ZNF679: variants seen among roughly 807,000 people sequenced by gnomAD.
ZNF679 encodes the protein hypothetical protein MGC42415.
ZNF679 carries 10 observed loss-of-function variants against 13.4 expected under a neutral mutation model. That is an observed-to-expected ratio of 0.75 (90% CI 0.46 to 1.27). ZNF679 has a LOEUF of 1.27. Ranked by LOEUF, ZNF679 falls within the 50% of genes most tolerant of loss-of-function variation. The probability of loss-of-function intolerance (pLI) is 0.00; values close to 1 mark genes in which losing one functional copy is unlikely to be tolerated. For synonymous variants in ZNF679, 179 were observed against 162.5 expected (o/e 1.10, Z -0.77); for missense variants, 525 against 477.8 (o/e 1.10, Z -0.92).
At chr7:64,250,790 T>C (rs1384237662) in intron 2 of ZNF679, among the ~76,000 whole-genome samples, 5 of 152,188 alleles carry the variant, frequency 3.3e-5, no homozygotes, top group Admixed American at 6.5e-5. Flanking sequence ...GGTTTCGCCA[T>C]GTTGGCCAGG....
chr7:64,246,340 T>C (rs1403101190), intron 1 of ZNF679, among the ~76,000 whole-genome samples: 3 of 152,176 alleles, frequency 2.0e-5, no homozygotes, highest in African/African-American at 7.2e-5. Context: ...GGCGTTTCCT[T>C]AGCATCATCC....
intron 4 of ZNF679, among the ~76,000 whole-genome samples, chr7:64,262,048 G>T (rs541907277): frequency 6.6e-6 from 1 of 152,008 alleles, no homozygotes; most frequent in East Asian, 1.9e-4. Flanking sequence ...TAGAGATGGG[G>T]TTTCACCATG....
At chr7:64,245,226 A>G (rs1355116097) in intron 1 of ZNF679, among the ~76,000 whole-genome samples, 3 of 152,098 alleles carry the variant, frequency 2.0e-5, no homozygotes, top group South Asian at 2.1e-4. Flanking sequence ...AGGTTTTGCC[A>G]TGTTGGCCAG....
intron 2 of ZNF679, 129 bp downstream of exon 2, chr7:64,249,285 C>G (rs780403377): frequency 1.3e-6 from 2 of 1,483,332 alleles, no homozygotes. Flanking sequence ...CCTCCTTGGC[C>G]CAGGTGGGCT....
intron 1 of ZNF679, among the ~76,000 whole-genome samples, chr7:64,242,187 T>C (rs1787808005): frequency 6.6e-6 from 1 of 152,182 alleles, no homozygotes; most frequent in South Asian, 2.1e-4. Context: ...ACAATTCCGA[T>C]TTTTGACTGC....
intron 1 of ZNF679, among the ~76,000 whole-genome samples, chr7:64,236,943 AAG>A (rs1267154738): frequency 4.2e-5 from 2 of 47,512 alleles, no homozygotes; most frequent in South Asian, 6.0e-4. Context: ...GAAAGAAAGA[AAG>A]AAAGAAAGAA....
At chr7:64,240,962 C>T (rs1215969066) in intron 1 of ZNF679, among the ~76,000 whole-genome samples, 1 of 152,174 alleles carries the variant, frequency 6.6e-6, no homozygotes, top group Non-Finnish European at 1.5e-5. Flanking sequence ...GTTATCATCT[C>T]ATCTGTCGAT....
chr7:64,236,448 G>T lies in ZNF679; in HGVS notation c.-91+7796G>T, dbSNP rs555561830. ...TTTGAGTTTGTAAAAGAGCGTTTGT[G>T]GGGGGAAAAAAAAAAGGGCAGAATA... On this transcript the variant is annotated intron_variant, in intron 1 of 4. Coordinates refer to ENST00000421025, the MANE Select transcript of ZNF679 (RefSeq NM_153363.3). 8.7e-4 allele frequency among the ~76,000 whole-genome samples: 129 copies of T among 148,190 alleles called. 1 individual carries two copies. Among genetic ancestry groups the T allele is most frequent in the African/African-American group, 3.0e-3 (121 of 40,440 alleles).
Position 64,248,584 on chromosome 7 carries a change from A to T in ZNF679, c.-90-444A>T, listed in dbSNP as rs1348174353. Among the ~76,000 whole-genome samples the T allele has an allele frequency of 2.0e-5, 3 of 152,122 alleles. No individual in the cohort carries two copies. In the East Asian group the frequency reaches 5.8e-4, roughly 29 times the overall value. ...CCTGAGCCCCCACGCCTGGCCATGA[A>T]TTACAATTTGAGATGAGATTTGGGT... On this transcript the variant is annotated intron_variant, in intron 1 of 4. Coordinates refer to ENST00000421025, the MANE Select transcript of ZNF679 (RefSeq NM_153363.3).
chr7:64,236,723 C>T (rs1221844015), intron 1 of ZNF679, among the ~76,000 whole-genome samples: 1 of 148,676 alleles, frequency 6.7e-6, no homozygotes, highest in Non-Finnish European at 1.5e-5. Flanking sequence ...CAGAGGTTGC[C>T]GTGAGCCAAG....
At chr7:64,264,329 A>C (rs1397971763) in intron 4 of ZNF679, among the ~76,000 whole-genome samples, 1 of 152,036 alleles carries the variant, frequency 6.6e-6, no homozygotes, top group African/African-American at 2.4e-5. Flanking sequence ...TGATGTTGAT[A>C]ATTATATCTT....
chr7:64,248,992 T>A, intron 1 of ZNF679, 36 bp from the exon 2 acceptor site: 3 of 1,413,626 alleles, frequency 2.1e-6, no homozygotes, highest in Non-Finnish European at 2.9e-6. Flanking sequence ...GATGCCTCCG[T>A]AATTTTCCGG....
chr7:64,264,028 A>C (rs1788111206), intron 4 of ZNF679, among the ~76,000 whole-genome samples: 1 of 151,760 alleles, frequency 6.6e-6, no homozygotes, highest in Non-Finnish European at 1.5e-5. Context: ...TATTTGCTTT[A>C]TATATTTTGA....
chr7:64,255,674 T>A (rs1203219691), intron 2 of ZNF679, among the ~76,000 whole-genome samples: 1 of 151,976 alleles, frequency 6.6e-6, no homozygotes, highest in Non-Finnish European at 1.5e-5. Context: ...AGTGGCATGA[T>A]CTCGGCTCAC....
Position 64,266,703 on chromosome 7 carries a change from G to A in ZNF679, c.1070G>A (p.Cys357Tyr), listed in dbSNP as rs1346563451. ...GAGAAACCCTACAAATGTAAAGAAT[G>A]TGGGAAAGCCTTTGCCTTCTCCTCA... Reference protein sequence around the residue: ...TGEKPYKCKECGKAFAFSSTL... With the variant: ...TGEKPYKCKEYGKAFAFSSTL... The change falls in exon 5 of 5, where the codon TGT (cysteine) becomes TAT (tyrosine). Residue 357 changes from cysteine (C) to tyrosine (Y), a missense_variant. By Grantham distance (194) the Cys-to-Tyr change is radical. Transcript: ENST00000421025. The A allele has an allele frequency of 1.9e-6, 3 of 1,613,120 alleles. No homozygotes were observed. The African/African-American group carries it at 4.0e-5, about 22-fold the overall frequency.
intron 1 of ZNF679, among the ~76,000 whole-genome samples, chr7:64,229,535 G>A (rs916139698): frequency 9.2e-5 from 14 of 152,138 alleles, no homozygotes; most frequent in African/African-American, 3.4e-4. Context: ...CTAGGTTTAA[G>A]AGTGATAATC....
chr7:64,258,894 T>TTTTCG (rs1562846793), intron 2 of ZNF679, among the ~76,000 whole-genome samples: 6 of 150,912 alleles, frequency 4.0e-5, no homozygotes. Flanking sequence ...TTTTTTGTTG[T>TTTTCG]TTTTGTTTTG....
intron 1 of ZNF679, among the ~76,000 whole-genome samples, chr7:64,237,562 C>T (rs1458228057): frequency 6.6e-6 from 1 of 152,202 alleles, no homozygotes; most frequent in East Asian, 1.9e-4. Context: ...GCAGTGATGT[C>T]TTTCTTTTTA....
intron 1 of ZNF679, among the ~76,000 whole-genome samples, chr7:64,237,297 TG>T (rs1400474499): frequency 1.3e-5 from 2 of 152,184 alleles, no homozygotes; most frequent in African/African-American, 4.8e-5. Context: ...TTTCTGAAGG[TG>T]AAGCCTTGTC....
Sources: allele counts gnomAD v4.1 joint callset (sites outside exome capture counted in the v4.1 genomes callset), GRCh38; gene constraint gnomAD v4.1.1; transcripts MANE v1.5; gene names NCBI Gene and HGNC (gene_info 2026-07-23, HGNC 2026-07-21).